The following AUTS2 variants were observed in gnomAD, a reference collection of about 807,000 sequenced individuals.
AUTS2 encodes the protein activator of transcription and developmental regulator AUTS2.
A neutral mutation model predicts 112.4 loss-of-function variants in AUTS2; 17 were observed. The ratio of observed to expected loss-of-function variants is 0.15; its 90% CI spans 0.10 to 0.23. The LOEUF is 0.23. Ranked by LOEUF, AUTS2 falls within the 10% of genes least tolerant of loss-of-function variation. The pLI is 1.00. For synonymous variants in AUTS2, 751 were observed against 702.7 expected, an observed-to-expected ratio of 1.07 and a Z score of -1.09; for missense variants, 1,510 against 1,701.6, an observed-to-expected ratio of 0.89 and a Z score of 1.98.
chr7:69,821,413 C>T (rs938357635), intron 1 of AUTS2, among the ~76,000 whole-genome samples: 33 of 150,146 alleles, frequency 2.2e-4, no homozygotes, highest in African/African-American at 8.0e-4. Flanking sequence ...TAAAATGGAC[C>T]AGTCAGTGCT....
chr7:69,948,773 CATTTATTTATTTATTTATTT>C (rs36128585), intron 2 of AUTS2, among the ~76,000 whole-genome samples: 5 of 147,038 alleles, frequency 3.4e-5, no homozygotes, highest in African/African-American at 7.5e-5. Context: ...AATTTTCTTT[CATTTATTTATTTATTTATTT>C]ATTTATTTAT....
At chr7:69,795,730 A>C (rs575185780) in intron 1 of AUTS2, among the ~76,000 whole-genome samples, 2 of 152,178 alleles carry the variant, frequency 1.3e-5, no homozygotes, top group Non-Finnish European at 2.9e-5. Flanking sequence ...TTAATTAGTA[A>C]TCAGAAATAT....
chr7:69,822,787 T>C (rs1196401001), intron 1 of AUTS2, among the ~76,000 whole-genome samples: 6 of 152,146 alleles, frequency 3.9e-5, no homozygotes, highest in Non-Finnish European at 8.8e-5. Flanking sequence ...TCCAATCCAA[T>C]ATCTGCCTAG....
chr7:70,759,228 G>A (rs1716806912), intron 6 of AUTS2, among the ~76,000 whole-genome samples: 1 of 152,208 alleles, frequency 6.6e-6, no homozygotes, highest in South Asian at 2.1e-4. Context: ...GTTGGTGTTG[G>A]CAGAGTTGGG....
At chr7:70,495,253 A>G (rs1798407659) in intron 5 of AUTS2, among the ~76,000 whole-genome samples, 1 of 151,536 alleles carries the variant, frequency 6.6e-6, no homozygotes, top group Non-Finnish European at 1.5e-5. Flanking sequence ...AAAAAAAAAA[A>G]AAAAAAGCTC....
At chr7:69,875,571 T>C (rs1793693522) in intron 1 of AUTS2, among the ~76,000 whole-genome samples, 1 of 152,016 alleles carries the variant, frequency 6.6e-6, no homozygotes, top group African/African-American at 2.4e-5. Context: ...GCCTGTGGGA[T>C]GAAAATGGCT....
chr7:70,310,353 G>A (rs747780747), intron 4 of AUTS2, among the ~76,000 whole-genome samples: 2 of 152,046 alleles, frequency 1.3e-5, no homozygotes, highest in African/African-American at 4.8e-5. Flanking sequence ...GCTCACGCCT[G>A]TAATCCCAGC....
intron 4 of AUTS2, among the ~76,000 whole-genome samples, chr7:70,306,866 G>A (rs1789516811): frequency 1.3e-5 from 2 of 152,138 alleles, no homozygotes; most frequent in Non-Finnish European, 2.9e-5. Context: ...AAGACTGCTG[G>A]TTCTTAAATT....
intron 2 of AUTS2, among the ~76,000 whole-genome samples, chr7:69,955,953 C>G (rs13226538): frequency 0.36 from 55,185 of 151,898 alleles, 10,621 homozygotes; most frequent in African/African-American, 0.49. Flanking sequence ...AGTGACAGTC[C>G]TGATTTCCAG....
At position 70,491,443 on chromosome 7, in the gene AUTS2, T is replaced by C. The variant is rs187442853; in HGVS notation, c.690+55662T>C. On this transcript the variant is annotated intron_variant, in intron 5 of 18. Transcript: ENST00000342771. ...ATACACACACACACACACACATATA[T>C]ACACATAATATATATGTTATATATA... Among the ~76,000 whole-genome samples, 208 of 139,606 alleles carry C rather than the reference T, an allele frequency of 1.5e-3. 5 individuals carry two copies. The highest frequency in any genetic ancestry group is 5.4e-3 in the African/African-American group (200 of 37,144). The allele number at this position is 139,606 out of a possible 152,430, so 91.6% of individuals were successfully genotyped here. A position where few individuals can be genotyped will look rare whatever the true frequency, so the allele number is the denominator to read the frequency against.
chr7:69,685,581 C>A lies in AUTS2; in HGVS notation c.309+85619C>A, dbSNP rs976132412. Among the ~76,000 whole-genome samples the A allele has an allele frequency of 2.6e-5, 4 of 152,146 alleles. No homozygotes were observed. In the East Asian group the frequency reaches 7.7e-4, roughly 29 times the overall value. ...GAATTGAAGTTAGTAGGGAAACAGG[C>A]CTCAAGGATAGTGCCATATTTTCTG... is the stretch of plus-strand genomic sequence containing the variant. On this transcript the variant is annotated intron_variant, in intron 1 of 18. Transcript: ENST00000342771.
chr7:70,782,348 T>TAAAC (rs34413727), intron 15 of AUTS2: 30,311 of 152,044 alleles, frequency 0.2, 3,618 homozygotes, highest in East Asian at 0.38. Context: ...GGAAACGGTG[T>TAAAC]AAACACCCAA....
chr7:70,651,612 T>C (rs1806512070), intron 5 of AUTS2, among the ~76,000 whole-genome samples: 1 of 152,182 alleles, frequency 6.6e-6, no homozygotes. Context: ...TATTGAATAC[T>C]GTACTGAAAG....
chr7:70,468,649 T>C (rs1797259067), intron 5 of AUTS2, among the ~76,000 whole-genome samples: 1 of 152,160 alleles, frequency 6.6e-6, no homozygotes, highest in Non-Finnish European at 1.5e-5. Context: ...AAAGGAGTGT[T>C]CTGTAGCCAC....
intron 5 of AUTS2, among the ~76,000 whole-genome samples, chr7:70,675,504 A>G (rs1465391407): frequency 1.3e-5 from 2 of 152,180 alleles, no homozygotes; most frequent in Non-Finnish European, 2.9e-5. Context: ...TAAAAGAAAG[A>G]AAAAGAAACG....
intron 5 of AUTS2, among the ~76,000 whole-genome samples, chr7:70,507,532 C>T (rs1799014167): frequency 6.6e-6 from 1 of 152,112 alleles, no homozygotes; most frequent in Admixed American, 6.5e-5. Context: ...CGCAGTGGCT[C>T]ACACCTATAA....
chr7:70,559,255 A>G (rs1801379462), intron 5 of AUTS2, among the ~76,000 whole-genome samples: 1 of 151,828 alleles, frequency 6.6e-6, no homozygotes, highest in Admixed American at 6.6e-5. Context: ...TAAATTACCC[A>G]ATCTTGAGTG....
chr7:70,442,603 G>A (rs1796164016), intron 5 of AUTS2, among the ~76,000 whole-genome samples: 2 of 152,076 alleles, frequency 1.3e-5, no homozygotes, highest in Admixed American at 1.3e-4. Context: ...TGATTCTCCT[G>A]CCTCAGCCTC....
chr7:69,638,174 G>A (rs746336655), intron 1 of AUTS2, among the ~76,000 whole-genome samples: 2 of 151,982 alleles, frequency 1.3e-5, no homozygotes, highest in Admixed American at 6.6e-5. Flanking sequence ...GCATGCCACC[G>A]TGCCTGGCTA....
Sources: allele counts gnomAD v4.1 joint callset (sites outside exome capture counted in the v4.1 genomes callset), GRCh38; gene constraint gnomAD v4.1.1; transcripts MANE v1.5; gene names NCBI Gene and HGNC (gene_info 2026-07-23, HGNC 2026-07-21).